Variants in KANSL1 observed in about 807,000 individuals in gnomAD.
The protein encoded by KANSL1 is MLL1/MLL complex subunit KANSL1.
In KANSL1, 22 loss-of-function variants were observed where a neutral mutation model predicts 103.6. That is an observed-to-expected ratio of 0.21 (90% confidence interval 0.15 to 0.30). KANSL1 has a LOEUF of 0.30. Among genes scored for constraint, KANSL1 ranks in the 10% least tolerant of loss-of-function variants. The pLI, the probability that KANSL1 is intolerant of heterozygous loss-of-function variation, is 1.00. For missense variants in KANSL1, 1,337 were observed against 1,399.8 expected (o/e 0.96, Z 0.72); for synonymous variants, 600 against 527.6 (o/e 1.14, Z -1.88).
intron 14 of KANSL1, 79 bp from the exon 15 acceptor site, chr17:46,031,782 T>C: frequency 1.5e-6 from 2 of 1,352,424 alleles, no homozygotes; most frequent in Non-Finnish European, 2.0e-6. Flanking sequence ...CCACAAACCT[T>C]GTGGCCTGGA....
intron 10 of KANSL1, among the ~76,000 whole-genome samples, chr17:46,036,541 G>C (rs1294430912): frequency 5.9e-5 from 9 of 152,120 alleles, no homozygotes; most frequent in Admixed American, 5.9e-4. Flanking sequence ...TCAGTAATCT[G>C]GAGATGATTT....
rs566372421 is a variant in KANSL1 at position 46,034,546 on chromosome 17, G to A, written c.2542-261C>T. 162 of 388,890 alleles carry A rather than the reference G, an allele frequency of 4.2e-4. 1 individual carries two copies. Among genetic ancestry groups the A allele is most frequent in the African/African-American group, 2.5e-3 (117 of 47,410 alleles). The allele number at this position is 388,890 out of a possible 1,614,324, so 24.1% of individuals were successfully genotyped here. A position where few individuals can be genotyped will look rare whatever the true frequency, so the allele number is the denominator to read the frequency against. On this transcript the variant is annotated intron_variant, in intron 10 of 14. Transcript: ENST00000432791. ...ACCCTCTTCCTTCAAGGGCTCATGC[G>A]TAAATTTCATAGGGGTGGGTACCTG...
chr17:46,179,922 G>T (rs552676369), intron 1 of KANSL1, among the ~76,000 whole-genome samples: 2 of 151,940 alleles, frequency 1.3e-5, no homozygotes, highest in Admixed American at 6.6e-5. Flanking sequence ...AAATTAGCCG[G>T]GTGTGGAGGC....
chr17:46,082,551 T>C lies in KANSL1; in HGVS notation c.1432-9A>G, dbSNP rs768885009. 3 of 1,507,546 alleles carry C rather than the reference T, an allele frequency of 2.0e-6. No homozygotes were observed. The highest frequency in any genetic ancestry group is 2.8e-6 in the Non-Finnish European group (3 of 1,090,666). The allele number at this position is 1,507,546 out of a possible 1,614,324, so 93.4% of individuals were successfully genotyped here. ...CCAAGAACTATCAACCCCTGCAGGA[T>C]AGAGAGGAGAAAAATAGCATAAGTG... On this transcript the variant is annotated splice_polypyrimidine_tract_variant and intron_variant, in intron 3 of 14. Coordinates refer to ENST00000432791, the MANE Select transcript of KANSL1 (RefSeq NM_015443.4).
chr17:46,173,938 G>C (rs1191999202), intron 1 of KANSL1, among the ~76,000 whole-genome samples: 1 of 152,242 alleles, frequency 6.6e-6, no homozygotes, highest in African/African-American at 2.4e-5. Context: ...AAATGAACTA[G>C]AGCTTTGTTC....
At chr17:46,151,705 A>G (rs1458796377) in intron 2 of KANSL1, among the ~76,000 whole-genome samples, 15 of 152,232 alleles carry the variant, frequency 9.9e-5, no homozygotes, top group Non-Finnish European at 4.4e-5. Context: ...TTTGTGAGTG[A>G]CGAGGAATAT....
At chr17:46,133,643 A>C (rs2043977460) in intron 2 of KANSL1, among the ~76,000 whole-genome samples, 1 of 152,240 alleles carries the variant, frequency 6.6e-6, no homozygotes, top group Non-Finnish European at 1.5e-5. Flanking sequence ...ATAAAAGCTC[A>C]ATGACAATAA....
chr17:46,168,784 C>A (rs1227114346), intron 2 of KANSL1, among the ~76,000 whole-genome samples: 2 of 152,226 alleles, frequency 1.3e-5, no homozygotes, highest in Non-Finnish European at 2.9e-5. Context: ...CAACTGATCC[C>A]AAAATGTTTC....
At chr17:46,134,859 C>T (rs185295410) in intron 2 of KANSL1, among the ~76,000 whole-genome samples, 21 of 151,584 alleles carry the variant, frequency 1.4e-4, no homozygotes, top group Admixed American at 3.3e-4. Flanking sequence ...AAAAAAAGGG[C>T]AGAAGATGGG....
chr17:46,143,803 C>CAAAA (rs57361021), intron 2 of KANSL1, among the ~76,000 whole-genome samples: 93 of 85,438 alleles, frequency 1.1e-3, no homozygotes, highest in Admixed American at 2.3e-3. Flanking sequence ...GACTCCATCT[C>CAAAA]AAAAAAAAAA....
At chr17:46,054,822 G>A (rs2077858209) in intron 6 of KANSL1, among the ~76,000 whole-genome samples, 1 of 150,596 alleles carries the variant, frequency 6.6e-6, no homozygotes. Flanking sequence ...CTCACATCGT[G>A]TCTTTTTCTT....
At chr17:46,144,110 A>T (rs2696592) in intron 2 of KANSL1, among the ~76,000 whole-genome samples, 18,313 of 149,560 alleles carry the variant, frequency 0.12, 22 homozygotes, top group Non-Finnish European at 0.18. Flanking sequence ...ACGAAAAATT[A>T]TAATTAGGTC....
intron 6 of KANSL1, among the ~76,000 whole-genome samples, chr17:46,061,959 G>A (rs1160889356): frequency 2.6e-5 from 4 of 151,822 alleles, no homozygotes; most frequent in African/African-American, 4.8e-5. Context: ...AGGCGTCGTC[G>A]TGGGTGCCTG....
chr17:46,125,586 C>G (rs55885063), intron 2 of KANSL1, among the ~76,000 whole-genome samples: 21,674 of 151,976 alleles, frequency 0.14, 2,126 homozygotes, highest in Non-Finnish European at 0.22. Flanking sequence ...GTGTATGGCT[C>G]CTATCTCCAG....
chr17:46,163,022 T>C (rs1411828426), intron 2 of KANSL1, among the ~76,000 whole-genome samples: 2 of 152,210 alleles, frequency 1.3e-5, no homozygotes, highest in Non-Finnish European at 2.9e-5. Context: ...AGACTCACCA[T>C]CACATCCCCA....
At chr17:46,059,606 G>A (rs1233603768) in intron 6 of KANSL1, among the ~76,000 whole-genome samples, 1 of 132,602 alleles carries the variant, frequency 7.5e-6, no homozygotes. Context: ...CTGGGTGACA[G>A]AGCGAGGCGA....
At chr17:46,032,527 T>C (rs370311259) in intron 13 of KANSL1, 9 of 441,686 alleles carry the variant, frequency 2.0e-5, no homozygotes, top group Admixed American at 3.8e-5. Context: ...GGTGAGTCCA[T>C]AGCAAAGTGC....
At chr17:46,194,167 C>T (rs191641808), upstream of KANSL1, among the ~76,000 whole-genome samples, 1 of 152,368 alleles carries the variant, frequency 6.6e-6, no homozygotes, top group African/African-American at 2.4e-5. Context: ...CCCGCCGGCG[C>T]CGGGCCCGCT....
At chr17:46,159,955 A>C (rs2045642981) in intron 2 of KANSL1, among the ~76,000 whole-genome samples, 1 of 152,232 alleles carries the variant, frequency 6.6e-6, no homozygotes, top group Non-Finnish European at 1.5e-5. Flanking sequence ...TAAAGGAGTT[A>C]CAGCAAACAG....
Sources: allele counts gnomAD v4.1 joint callset (sites outside exome capture counted in the v4.1 genomes callset), GRCh38; gene constraint gnomAD v4.1.1; transcripts MANE v1.5; gene names NCBI Gene and HGNC (gene_info 2026-07-23, HGNC 2026-07-21).